HECTD4: variants seen among roughly 807,000 people sequenced by gnomAD.
HECTD4 encodes HECT domain E3 ubiquitin protein ligase 4.
A neutral mutation model predicts 471.5 loss-of-function variants in HECTD4; 114 were observed. The observed-to-expected ratio is 0.24, with a 90% confidence interval of 0.21 to 0.28. HECTD4 has a LOEUF of 0.28. Ranked by LOEUF, HECTD4 falls within the 10% of genes least tolerant of loss-of-function variation. The pLI is 1.00. For synonymous variants in HECTD4, 2,012 were observed against 2,256.0 expected, an observed-to-expected ratio of 0.89 and a Z score of 3.07; for missense variants, 3,866 against 5,651.5, an observed-to-expected ratio of 0.68 and a Z score of 10.13.
chr12:112,323,799 C>G (rs940481821), intron 1 of HECTD4, among the ~76,000 whole-genome samples: 1 of 151,196 alleles, frequency 6.6e-6, no homozygotes, highest in African/African-American at 2.4e-5. Flanking sequence ...CAAAAAAGGC[C>G]AGTTTGACTG....
Position 112,212,547 on chromosome 12 carries a change from G to T in HECTD4, c.7569C>A (p.Leu2523=). The change falls in exon 49 of 76, where the codon CTC becomes CTA. Residue 2523 remains leucine, a synonymous_variant. Transcript: ENST00000682272. Reference sequence around the variant, plus strand: ...CAGAGACGTCTTCAAGATATGGTGAGAGGCGCTGCCCGCAGTATGTGAAGT... The same window carrying T: ...CAGAGACGTCTTCAAGATATGGTGATAGGCGCTGCCCGCAGTATGTGAAGT... ...RVYFTYCGQR[L]SPYLEDVSGG... is the part of the protein sequence containing the mutation. 1 of 1,613,924 alleles carries T rather than the reference G, an allele frequency of 6.2e-7. No individual in the cohort carries two copies.
chr12:112,363,305 T>C (rs1034366569), intron 1 of HECTD4, among the ~76,000 whole-genome samples: 9 of 151,614 alleles, frequency 5.9e-5, no homozygotes, highest in Non-Finnish European at 1.2e-4. Flanking sequence ...GATGAGGTCT[T>C]GTTGTGTTGC....
intron 17 of HECTD4, 75 bp from the exon 18 acceptor site, chr12:112,261,504 T>G (rs2034143871): frequency 1.5e-6 from 2 of 1,355,056 alleles, no homozygotes; most frequent in African/African-American, 2.9e-5. Flanking sequence ...CATGAAATGA[T>G]GTATTTAATG....
At chr12:112,207,570 C>G (rs1485229026) in intron 52 of HECTD4, among the ~76,000 whole-genome samples, 1 of 152,198 alleles carries the variant, frequency 6.6e-6, no homozygotes, top group Non-Finnish European at 1.5e-5. Flanking sequence ...CAAGTCCACA[C>G]AGCTGGTAAA....
intron 7 of HECTD4, among the ~76,000 whole-genome samples, chr12:112,294,462 G>GA (rs1294595128): frequency 2.0e-5 from 3 of 152,092 alleles, no homozygotes; most frequent in Non-Finnish European, 4.4e-5. Context: ...TGTGAATTTA[G>GA]AAACAGGTAC....
intron 1 of HECTD4, among the ~76,000 whole-genome samples, chr12:112,348,752 G>C (rs2036200094): frequency 6.6e-6 from 1 of 151,426 alleles, no homozygotes; most frequent in African/African-American, 2.4e-5. Flanking sequence ...CCTATCTTTT[G>C]GGGAAAAAAA....
chr12:112,234,119 C>A lies in HECTD4; in HGVS notation c.5915+958G>T, dbSNP rs556766185. 2.6e-5 allele frequency among the ~76,000 whole-genome samples: 4 copies of A among 152,220 alleles called. No individual in the cohort carries two copies. In the East Asian group the frequency reaches 5.8e-4, roughly 22 times the overall value. ...CTTTCACCTATTTTCAACTATCTCA[C>A]CTATCTCAAACTATTTTTAGGCTAT... On this transcript the variant is annotated intron_variant, in intron 37 of 75. Coordinates refer to ENST00000682272, the MANE Select transcript of HECTD4 (RefSeq NM_001388303.1).
chr12:112,225,717 C>T (rs1205812997), intron 44 of HECTD4, among the ~76,000 whole-genome samples: 3 of 151,504 alleles, frequency 2.0e-5, no homozygotes, highest in African/African-American at 4.8e-5. Flanking sequence ...TATTTGGATC[C>T]TCATTCAAAT....
chr12:112,357,288 G>A (rs2036358340), intron 1 of HECTD4, among the ~76,000 whole-genome samples: 1 of 152,164 alleles, frequency 6.6e-6, no homozygotes, highest in South Asian at 2.1e-4. Context: ...GGGTTGGGGG[G>A]AATAAGCTCA....
chr12:112,219,357 G>C (rs1354821200), intron 45 of HECTD4, 29 bp downstream of exon 45: 2 of 1,534,306 alleles, frequency 1.3e-6, no homozygotes, highest in Non-Finnish European at 1.8e-6. Flanking sequence ...GGAGGCTGCA[G>C]GAGGCGCGAA....
At chr12:112,356,190 C>T (rs2036334092) in intron 1 of HECTD4, among the ~76,000 whole-genome samples, 2 of 152,020 alleles carry the variant, frequency 1.3e-5, no homozygotes, top group Non-Finnish European at 1.5e-5. Flanking sequence ...AGCTCAACTA[C>T]AATTCGATTT....
intron 7 of HECTD4, among the ~76,000 whole-genome samples, chr12:112,301,654 A>T (rs2035167039): frequency 3.9e-5 from 6 of 152,020 alleles, no homozygotes; most frequent in Admixed American, 3.9e-4. Context: ...AACTCTTTCG[A>T]TAATCATAGT....
chr12:112,352,633 G>C (rs1378396741), intron 1 of HECTD4, among the ~76,000 whole-genome samples: 2 of 149,194 alleles, frequency 1.3e-5, no homozygotes, highest in Non-Finnish European at 3.0e-5. Context: ...TTGAGACAAG[G>C]TCTTGCTGTG....
At chr12:112,325,260 TGA>T (rs1293596612) in intron 1 of HECTD4, among the ~76,000 whole-genome samples, 2 of 152,356 alleles carry the variant, frequency 1.3e-5, no homozygotes, top group Non-Finnish European at 2.9e-5. Flanking sequence ...TGAAAGAATT[TGA>T]GTTATAATAT....
chr12:112,250,616 A>C (rs999869112), intron 24 of HECTD4, among the ~76,000 whole-genome samples: 1 of 152,246 alleles, frequency 6.6e-6, no homozygotes, highest in African/African-American at 2.4e-5. Context: ...AAAAGCTGAA[A>C]GAATGACATG....
At position 112,314,683 on chromosome 12, in the gene HECTD4, G is replaced by GT. The variant is rs2035443559; in HGVS notation, c.696-138dup. 6.7e-6 allele frequency: 4 copies of GT among 601,312 alleles called. No homozygotes were observed. The East Asian group carries it at 1.1e-4, about 17-fold the overall frequency. 37.2% of individuals were successfully genotyped at this position (601,312 alleles called of 1,614,324 possible). ...GCTTCTGCTGGTCAGATGATGTGTT[G>GT]TAAAAAAAATACTTGATTATTAACT... On this transcript the variant is annotated intron_variant, in intron 2 of 75. Transcript: ENST00000682272.
At chr12:112,337,028 G>A (rs1390563335) in intron 1 of HECTD4, among the ~76,000 whole-genome samples, 1 of 152,128 alleles carries the variant, frequency 6.6e-6, no homozygotes, top group African/African-American at 2.4e-5. Flanking sequence ...CCAATGCTAG[G>A]AAGCTATTAA....
intron 49 of HECTD4, 93 bp from the exon 50 acceptor site, chr12:112,210,345 GGAA>G: frequency 7.6e-7 from 1 of 1,317,358 alleles, no homozygotes; most frequent in East Asian, 2.3e-5. Context: ...ACGTCACCTT[GGAA>G]GAATAGCCCG....
chr12:112,235,578 T>C lies in HECTD4; in HGVS notation c.5651A>G (p.Gln1884Arg). 1.2e-6 allele frequency: 2 copies of C among 1,614,036 alleles called. No homozygotes were observed. Among genetic ancestry groups the C allele is most frequent in the Non-Finnish European group, 1.7e-6 (2 of 1,179,890 alleles). Reference protein sequence around the residue: ...SYSVPSLNSEQEDPSDPASKI... With the variant: ...SYSVPSLNSEREDPSDPASKI... ...GGAAGCTGGGTCGCTGGGATCCTCCTGCTCACTGTTTAAGGAGGGGACAGA... is the reference window on the plus strand; with the variant it reads ...GGAAGCTGGGTCGCTGGGATCCTCCCGCTCACTGTTTAAGGAGGGGACAGA... The change falls in exon 36 of 76, where the codon CAG (glutamine) becomes CGG (arginine). Residue 1884 changes from glutamine to arginine, a missense_variant. Around this residue, in one of 16 missense-constraint regions of HECTD4, gnomAD observed 617 missense variants for 915.1 expected, o/e 0.67. Transcript: ENST00000682272. The surrounding 1 kb of genome is among the most constrained non-coding windows in gnomAD (Gnocchi z 5.0).
Sources: allele counts gnomAD v4.1 joint callset (sites outside exome capture counted in the v4.1 genomes callset), GRCh38; gene constraint gnomAD v4.1.1; regional missense constraint gnomAD v4.1.1; non-coding constraint Gnocchi (gnomAD v3.1); transcripts MANE v1.5; gene names NCBI Gene and HGNC (gene_info 2026-07-23, HGNC 2026-07-21).